Variants in HSPG2 observed in about 807,000 individuals in gnomAD.
HSPG2 encodes basement membrane-specific heparan sulfate proteoglycan core protein.
In HSPG2, 278 loss-of-function variants were observed where a neutral mutation model predicts 526.6. The ratio of observed to expected loss-of-function variants is 0.53; its 90% confidence interval spans 0.48 to 0.58. HSPG2 has a LOEUF of 0.58. HSPG2 is among the 20% of genes least tolerant of loss of function. The probability of loss-of-function intolerance (pLI) is 0.00; values close to 1 mark genes in which losing one functional copy is unlikely to be tolerated. For synonymous variants in HSPG2, 2,465 were observed against 2,555.4 expected, an observed-to-expected ratio of 0.96 and a Z score of 1.07; for missense variants, 5,354 against 6,099.5, an observed-to-expected ratio of 0.88 and a Z score of 4.07.
chr1:21,888,697 G>T, intron 6 of HSPG2: 1 of 1,365,534 alleles, frequency 7.3e-7, no homozygotes. Flanking sequence ...CACAGCGGCC[G>T]GCGGGGGTGG....
At position 21,864,124 on chromosome 1, in the gene HSPG2, G is replaced by A; in HGVS notation, c.4716C>T (p.Cys1572=). 6.4e-7 allele frequency: 1 copy of A among 1,555,458 alleles called. No homozygotes were observed. The highest frequency in any genetic ancestry group is 8.7e-7 in the Non-Finnish European group (1 of 1,149,448). The change falls in exon 37 of 97, where the codon TGC becomes TGT. Residue 1572 remains cysteine (C), a synonymous_variant. Transcript: ENST00000374695. The surrounding 1 kb of genome is among the most constrained non-coding windows in gnomAD (Gnocchi z 4.8). The part of the protein sequence containing the change: ...LCECNGHSDL[C]HPETGACSQC... ...CCGAGCAGGCCCCAGTCTCTGGGTGGCACAGGTCTGAGTGGCCATTGCATT... is the reference window on the plus strand; with the variant it reads ...CCGAGCAGGCCCCAGTCTCTGGGTGACACAGGTCTGAGTGGCCATTGCATT...
In HSPG2 at chr1:21,823,458, C is replaced by T. The variant is rs1023997960; in HGVS notation, c.13034G>A (p.Gly4345Glu). The change falls in exon 97 of 97, where the codon GGG becomes GAG. Residue 4345 changes from glycine to glutamate, a missense_variant. Coordinates refer to ENST00000374695, the MANE Select transcript of HSPG2 (RefSeq NM_005529.7). ...GGAPDVATLTGGRFSSGITGC... is the reference protein window; with the variant it reads ...GGAPDVATLTEGRFSSGITGC... Reference sequence around the variant, plus strand: ...TGTGATGCCTGAGGAGAATCTGCCCCCGGTCAGCGTGGCCACGTCAGGGGC... The same window carrying T: ...TGTGATGCCTGAGGAGAATCTGCCCTCGGTCAGCGTGGCCACGTCAGGGGC... 4 of 1,595,956 alleles carry T rather than the reference C, an allele frequency of 2.5e-6. No individual in the cohort carries two copies. In the African/African-American group the frequency reaches 5.4e-5, roughly 21 times the overall value.
At chr1:21,908,849 G>C (rs1211466947) in intron 1 of HSPG2, among the ~76,000 whole-genome samples, 2 of 152,208 alleles carry the variant, frequency 1.3e-5, no homozygotes, top group Non-Finnish European at 2.9e-5. Context: ...GGACAGGCTG[G>C]GTGCGGTGGC....
chr1:21,903,653 A>G (rs1643215660), intron 1 of HSPG2, among the ~76,000 whole-genome samples: 2 of 152,210 alleles, frequency 1.3e-5, no homozygotes, highest in South Asian at 4.1e-4. Context: ...AAGCAAAAAA[A>G]GGTCCCCGCT....
chr1:21,897,707 A>T (rs1324754335), intron 1 of HSPG2, among the ~76,000 whole-genome samples: 3 of 152,196 alleles, frequency 2.0e-5, no homozygotes, highest in African/African-American at 7.2e-5. Flanking sequence ...GTGAAAGTCT[A>T]ATCCATAGTG....
rs767083077 is a variant in HSPG2, at chr1:21,839,919, C to T, written c.9612G>A (p.Thr3204=). The part of the protein sequence containing the change: ...AQKQVEVIVD[T]GAMAPGAPQV... ...GAGGGGCCCCTGGGGCCATGGCGCC[C>T]GTGTCCACGATCACCTCCACCTGCT... The change falls in exon 72 of 97, where the codon ACG becomes ACA. Residue 3204 remains threonine, a synonymous_variant. Transcript: ENST00000374695. The surrounding 1 kb of genome is among the most constrained non-coding windows in gnomAD (Gnocchi z 4.5). The T allele has an allele frequency of 3.2e-5, 51 of 1,614,058 alleles. No individual in the cohort carries two copies. The highest frequency in any genetic ancestry group is 2.5e-4 in the Admixed American group (15 of 60,002).
At chr1:21,930,721 GC>G (rs1184789799) in intron 1 of HSPG2, among the ~76,000 whole-genome samples, 2 of 151,208 alleles carry the variant, frequency 1.3e-5, no homozygotes, top group Non-Finnish European at 2.9e-5. Flanking sequence ...TTGCAGTGCG[GC>G]GAGATCATAC....
intron 1 of HSPG2, among the ~76,000 whole-genome samples, chr1:21,907,887 C>T (rs576847964): frequency 2.6e-5 from 4 of 152,328 alleles, no homozygotes; most frequent in Admixed American, 6.5e-5. Context: ...AGCTGTGAGG[C>T]CATGAGCAAG....
rs368632332 is a variant in HSPG2 at position 21,881,394 on chromosome 1, C to T, written c.1763G>A (p.Arg588His). The change falls in exon 14 of 97, where the codon CGC becomes CAC. Residue 588 changes from arginine to histidine, a missense_variant. Physicochemically the swap from Arg to His is conservative, Grantham distance 29 (BLOSUM62 0). Transcript: ENST00000374695. ...HEFQLVDLSR[R>H]FLVHDSFWAL... ...CCAGAAGGAGTCGTGGACGAGGAAG[C>T]GGCGGGACAGGTCGACTAGCTGGAA... is the stretch of plus-strand genomic sequence containing the variant. The T allele has an allele frequency of 1.3e-5, 21 of 1,614,168 alleles. No homozygotes were observed. The highest frequency in any genetic ancestry group is 2.2e-5 in the South Asian group (2 of 91,090).
At position 21,876,377 on chromosome 1, in the gene HSPG2, T is replaced by C; in HGVS notation, c.2855A>G (p.His952Arg). Residue 952 changes from histidine to arginine, a missense_variant, in exon 23 of 97, where the codon CAC becomes CGC. His to Arg is a conservative substitution (Grantham distance 29). Transcript: ENST00000374695. ...GCTTGCGGCGTTGGTCAGGCTGAAG[T>C]GACCAGGCTCCTCAGAGGCCCCATG... ...QLHGASEEPG[H>R]FSLTNAASTH... is the part of the protein sequence containing the mutation. 6.2e-7 allele frequency: 1 copy of C among 1,612,276 alleles called. No individual in the cohort carries two copies. Among genetic ancestry groups the C allele is most frequent in the Non-Finnish European group, 8.5e-7 (1 of 1,179,218 alleles).
Position 21,847,270 on chromosome 1 carries a change from G to A in HSPG2, c.8164+84C>T. On this transcript the variant is annotated intron_variant, in intron 62 of 96. Coordinates refer to ENST00000374695, the MANE Select transcript of HSPG2 (RefSeq NM_005529.7). This position sits in a 1 kb window ranked among gnomAD's most constrained non-coding sequence, Gnocchi z 4.1. Reference sequence around the variant, plus strand: ...CTGGCCCTTGCCTGAGTACCACCAGGTCTGAGGACTCTGACCTGAAAGTTC... The same window carrying A: ...CTGGCCCTTGCCTGAGTACCACCAGATCTGAGGACTCTGACCTGAAAGTTC... 1 of 1,513,952 alleles carries A rather than the reference G, an allele frequency of 6.6e-7. No homozygotes were observed. Among genetic ancestry groups the A allele is most frequent in the South Asian group, 1.1e-5 (1 of 88,960 alleles). 93.8% of individuals were successfully genotyped at this position (1,513,952 alleles called of 1,614,324 possible).
At chr1:21,929,377 A>G (rs1644289032) in intron 1 of HSPG2, among the ~76,000 whole-genome samples, 1 of 151,152 alleles carries the variant, frequency 6.6e-6, no homozygotes, top group Admixed American at 6.6e-5. Context: ...ACCCCCACCC[A>G]TGCTGTCCCC....
At chr1:21,927,445 T>G (rs1286171312) in intron 1 of HSPG2, among the ~76,000 whole-genome samples, 1 of 152,000 alleles carries the variant, frequency 6.6e-6, no homozygotes, top group Non-Finnish European at 1.5e-5. Flanking sequence ...AACTGCAGGT[T>G]GGCCCAGAGC....
chr1:21,851,165 G>A (rs910834039), intron 55 of HSPG2: 3 of 266,124 alleles, frequency 1.1e-5, no homozygotes, highest in Non-Finnish European at 2.2e-5. Flanking sequence ...TAGAGATGGG[G>A]TTTCACCATA....
chr1:21,918,057 T>C (rs1358285372), intron 1 of HSPG2, among the ~76,000 whole-genome samples: 2 of 152,188 alleles, frequency 1.3e-5, no homozygotes, highest in African/African-American at 4.8e-5. Context: ...AATTATAATA[T>C]TGGCTTATAA....
intron 38 of HSPG2, 57 bp from the exon 39 acceptor site, chr1:21,861,900 C>A: frequency 6.2e-7 from 1 of 1,613,568 alleles, no homozygotes; most frequent in Non-Finnish European, 8.5e-7. Context: ...ATCTTGCTCC[C>A]TTCACTTCTG....
rs1465006189 is a variant in HSPG2, at chr1:21,828,376, G to T, written c.12288C>A (p.Ser4096Arg). ...TATCATAGCATTGCCCGATGCCCTGGCTGCCTAGGAAACTGTAGGTGAGGT... is the reference window on the plus strand; with the variant it reads ...TATCATAGCATTGCCCGATGCCCTGTCTGCCTAGGAAACTGTAGGTGAGGT... ...RLDLTYSFLGSQGIGQCYDSS... is the reference protein window; with the variant it reads ...RLDLTYSFLGRQGIGQCYDSS... The change falls in exon 89 of 97, where the codon AGC (serine) becomes AGA (arginine). Residue 4096 changes from serine (S) to arginine (R), a missense_variant. By Grantham distance (110) the Ser-to-Arg change is moderately radical. Transcript: ENST00000374695. The surrounding 1 kb of genome is among the most constrained non-coding windows in gnomAD (Gnocchi z 6.0). 6.2e-7 allele frequency: 1 copy of T among 1,613,694 alleles called. No individual in the cohort carries two copies. Among genetic ancestry groups the T allele is most frequent in the South Asian group, 1.1e-5 (1 of 91,090 alleles).
At position 21,889,981 on chromosome 1, in the gene HSPG2, C is replaced by G. The variant is rs1476455992; in HGVS notation, c.574G>C (p.Val192Leu). Residue 192 changes from valine (V) to leucine (L), a missense_variant and splice_region_variant, in exon 6 of 97, where the codon GTG becomes CTG. By Grantham distance (32) the Val-to-Leu change is conservative. Transcript: ENST00000374695. ...QGFQFRRLGT[V>L]PQFPRACTEA... is the part of the protein sequence containing the mutation. The stretch of plus-strand genomic sequence containing the variant: ...ATCCCAGACACCAGGATAGGCTCAC[C>G]TGTGCCCAGGCGTCGGAACTGGAAT... 3.1e-6 allele frequency: 5 copies of G among 1,614,042 alleles called. No homozygotes were observed. In the East Asian group the frequency reaches 1.1e-4, roughly 36 times the overall value.
chr1:21,883,377 G>C lies in HSPG2; in HGVS notation c.1654+1151C>G, dbSNP rs865780995. Reference sequence around the variant, plus strand: ...CTGTTGTCCAGGCTGGAGTGCAATGGTGTGATCATGGCTCACTGCAGCCTC... The same window carrying C: ...CTGTTGTCCAGGCTGGAGTGCAATGCTGTGATCATGGCTCACTGCAGCCTC... On this transcript the variant is annotated intron_variant, in intron 13 of 96. Transcript: ENST00000374695. Among the ~76,000 whole-genome samples the C allele has an allele frequency of 2.0e-5, 3 of 152,312 alleles. No homozygotes were observed. In the South Asian group the frequency reaches 6.2e-4, roughly 32 times the overall value.
Sources: gnomAD v4.1 joint callset for allele counts (sites outside exome capture counted in the v4.1 genomes callset) on GRCh38, gnomAD v4.1.1 for gene constraint, Gnocchi (gnomAD v3.1) non-coding constraint, MANE v1.5 for transcripts, NCBI Gene and HGNC (gene_info 2026-07-23, HGNC 2026-07-21) for gene names.